The following CACNA1C variants were observed in gnomAD, a reference collection of about 807,000 sequenced individuals.
CACNA1C encodes the protein calcium voltage-gated channel subunit alpha1 C.
A neutral mutation model predicts 229.0 loss-of-function variants in CACNA1C; 30 were observed. That is an observed-to-expected ratio of 0.13 (90% CI 0.10 to 0.18). The LOEUF (loss-of-function observed/expected upper bound fraction) is 0.18, where lower values mean the gene tolerates loss of function less well. Among genes scored for constraint, CACNA1C ranks in the 10% least tolerant of loss-of-function variants. CACNA1C has a pLI of 1.00. For missense variants in CACNA1C, 1,658 were observed against 2,845.0 expected, an observed-to-expected ratio of 0.58 and a Z score of 9.49; for synonymous variants, 1,114 against 1,132.5, an observed-to-expected ratio of 0.98 and a Z score of 0.33.
At chr12:2,485,703 C>T (rs897886673) in intron 5 of CACNA1C, among the ~76,000 whole-genome samples, 13 of 152,270 alleles carry the variant, frequency 8.5e-5, no homozygotes, top group African/African-American at 2.9e-4. Flanking sequence ...GGAAAAACCT[C>T]GAGGATAAAT....
chr12:2,059,416 C>T (rs1315074069), intron 1 of CACNA1C, among the ~76,000 whole-genome samples: 3 of 151,590 alleles, frequency 2.0e-5, no homozygotes, highest in Non-Finnish European at 2.9e-5. Context: ...GAAAATAGAC[C>T]CTTCCTTCCC....
chr12:2,324,616 T>C (rs891503022), intron 3 of CACNA1C, among the ~76,000 whole-genome samples: 12 of 152,242 alleles, frequency 7.9e-5, no homozygotes, highest in African/African-American at 2.9e-4. Context: ...CCCTGATGTT[T>C]CAGCTGCTTC....
In CACNA1C at chr12:2,152,312, C is replaced by G. The variant is rs1019165174; in HGVS notation, c.477+31882C>G. The stretch of plus-strand genomic sequence containing the variant: ...ATGAAGAACTACAGTTCTCATCCTC[C>G]CTTGTGGCTAAGTGAGGTTTTGTGA... On this transcript the variant is annotated intron_variant, in intron 3 of 46. Coordinates refer to ENST00000399655, the MANE Select transcript of CACNA1C (RefSeq NM_000719.7). This position sits in a 1 kb window ranked among gnomAD's most constrained non-coding sequence, Gnocchi z 4.2. 6.6e-6 allele frequency among the ~76,000 whole-genome samples: 1 copy of G among 152,214 alleles called. No homozygotes were observed. Among genetic ancestry groups the G allele is most frequent in the Non-Finnish European group, 1.5e-5 (1 of 68,042 alleles).
At chr12:2,171,644 T>C (rs368452078) in intron 3 of CACNA1C, among the ~76,000 whole-genome samples, 2 of 152,300 alleles carry the variant, frequency 1.3e-5, no homozygotes, top group African/African-American at 4.8e-5. Flanking sequence ...CATCAGGAGT[T>C]GTAAATGCTG....
chr12:2,079,144 G>A, intron 1 of CACNA1C, among the ~76,000 whole-genome samples: 1 of 125,984 alleles, frequency 7.9e-6, no homozygotes, highest in Admixed American at 8.6e-5. Context: ...TGGGGGGAGG[G>A]GGGAGGGATA....
chr12:2,135,982 G>A (rs1041044352), intron 3 of CACNA1C, among the ~76,000 whole-genome samples: 2 of 150,316 alleles, frequency 1.3e-5, no homozygotes, highest in East Asian at 1.9e-4. Context: ...AGGACCCTCC[G>A]AGCCAGGTGT....
In CACNA1C at chr12:2,181,412, A is replaced by G. The variant is rs1472042003; in HGVS notation, c.477+60982A>G. ...CAGTGTGGGGACAGAGTTAAGATCA[A>G]CATGATCACAGCAGACTGACACGGC... On this transcript the variant is annotated intron_variant, in intron 3 of 46. Coordinates refer to ENST00000399655, the MANE Select transcript of CACNA1C (RefSeq NM_000719.7). This position sits in a 1 kb window ranked among gnomAD's most constrained non-coding sequence, Gnocchi z 4.0. Among the ~76,000 whole-genome samples the G allele has an allele frequency of 6.6e-6, 1 of 152,172 alleles. No individual in the cohort carries two copies. Among genetic ancestry groups the G allele is most frequent in the Non-Finnish European group, 1.5e-5 (1 of 68,024 alleles).
rs2097118565 is a variant in CACNA1C at position 2,348,606 on chromosome 12, G to A, written c.478-100370G>A. On this transcript the variant is annotated intron_variant, in intron 3 of 46. Coordinates refer to ENST00000399655, the MANE Select transcript of CACNA1C (RefSeq NM_000719.7). The surrounding 1 kb of genome is among the most constrained non-coding windows in gnomAD (Gnocchi z 4.7). ...CTATATTAAGGCCTGGTTATGTTTA[G>A]AAGCCGTCCAGAGAATGTTTGGCAT... is the stretch of plus-strand genomic sequence containing the variant. 6.6e-6 allele frequency among the ~76,000 whole-genome samples: 1 copy of A among 152,170 alleles called. No individual in the cohort carries two copies. Among genetic ancestry groups the A allele is most frequent in the South Asian group, 2.1e-4 (1 of 4,832 alleles).
At chr12:2,206,076 A>G (rs1033357186) in intron 3 of CACNA1C, among the ~76,000 whole-genome samples, 5 of 152,040 alleles carry the variant, frequency 3.3e-5, no homozygotes, top group Non-Finnish European at 1.5e-5. Context: ...GTGCAGTGGG[A>G]ATTACCCTGA....
chr12:2,519,766 C>T (rs960681040), intron 9 of CACNA1C, among the ~76,000 whole-genome samples: 4 of 152,164 alleles, frequency 2.6e-5, no homozygotes, highest in South Asian at 2.1e-4. Context: ...GTCCTGTGGA[C>T]TTGGTGTTGT....
Position 2,665,072 on chromosome 12 carries a change from A to C in CACNA1C, c.4398+82A>C. 6.9e-7 allele frequency: 1 copy of C among 1,450,168 alleles called. No individual in the cohort carries two copies. Among genetic ancestry groups the C allele is most frequent in the Non-Finnish European group, 9.6e-7 (1 of 1,039,470 alleles). 89.8% of individuals were successfully genotyped at this position (1,450,168 alleles called of 1,614,324 possible). ...TCTGAACCGTCCATCTCTGCAGCTC[A>C]TGGTCAGGGCAACCCTATCAGAGGA... On this transcript the variant is annotated intron_variant, in intron 35 of 46. Coordinates refer to ENST00000399655, the MANE Select transcript of CACNA1C (RefSeq NM_000719.7). The surrounding 1 kb of genome is among the most constrained non-coding windows in gnomAD (Gnocchi z 5.9).
At chr12:1,970,820 T>C (rs1457940365), upstream of CACNA1C, 3 of 275,490 alleles carry the variant, frequency 1.1e-5, no homozygotes, top group South Asian at 3.5e-5. Flanking sequence ...AAGACGAAAA[T>C]ACAAGGTTGA....
chr12:2,361,928 C>T lies in CACNA1C; in HGVS notation c.478-87048C>T, dbSNP rs117363555. Among the ~76,000 whole-genome samples, 10 of 152,272 alleles carry T rather than the reference C, an allele frequency of 6.6e-5. No individual in the cohort carries two copies. The East Asian group carries it at 1.4e-3, about 21-fold the overall frequency. ...TTTGGAGACAGATGGAGTGTGACGT[C>T]GAGCTCTGCCTGAGACCGACTGTGA... On this transcript the variant is annotated intron_variant, in intron 3 of 46. Transcript: ENST00000399655.
chr12:2,161,395 G>A (rs2154247282), intron 3 of CACNA1C, among the ~76,000 whole-genome samples: 1 of 152,310 alleles, frequency 6.6e-6, no homozygotes. Flanking sequence ...ACAGAGAGTG[G>A]TGTGAGGCTC....
At chr12:2,186,766 A>G (rs1004582405) in intron 3 of CACNA1C, among the ~76,000 whole-genome samples, 1 of 152,200 alleles carries the variant, frequency 6.6e-6, no homozygotes, top group African/African-American at 2.4e-5. Context: ...CCTTTCGACA[A>G]TCCGATGGGG....
intron 1 of CACNA1C, among the ~76,000 whole-genome samples, chr12:2,028,681 C>G (rs2047726893): frequency 1.3e-5 from 2 of 152,168 alleles, no homozygotes. Flanking sequence ...GGGATCAAAT[C>G]TCTACTCCAC....
chr12:2,267,169 G>C (rs982353151), intron 3 of CACNA1C, among the ~76,000 whole-genome samples: 1 of 152,168 alleles, frequency 6.6e-6, no homozygotes, highest in Non-Finnish European at 1.5e-5. Context: ...GCCCACGGTG[G>C]GCGCTTAAGA....
intron 5 of CACNA1C, among the ~76,000 whole-genome samples, chr12:2,477,974 A>C (rs892346982): frequency 2.6e-5 from 4 of 152,044 alleles, no homozygotes; most frequent in African/African-American, 7.3e-5. Flanking sequence ...GGACAAAGAA[A>C]ATAAATGTAA....
At chr12:2,251,687 G>A (rs1381857061) in intron 3 of CACNA1C, among the ~76,000 whole-genome samples, 1 of 152,166 alleles carries the variant, frequency 6.6e-6, no homozygotes, top group Non-Finnish European at 1.5e-5. Flanking sequence ...ATACCCTTTT[G>A]GTTATGTGTC....
Sources: gnomAD v4.1 joint callset for allele counts (sites outside exome capture counted in the v4.1 genomes callset) on GRCh38, gnomAD v4.1.1 for gene constraint, Gnocchi (gnomAD v3.1) non-coding constraint, MANE v1.5 for transcripts, NCBI Gene and HGNC (gene_info 2026-07-23, HGNC 2026-07-21) for gene names.